The following PTPRT variants were observed in gnomAD, a reference collection of about 807,000 sequenced individuals.
PTPRT encodes the protein receptor-type tyrosine-protein phosphatase T.
A neutral mutation model predicts 176.8 loss-of-function variants in PTPRT; 56 were observed. The ratio of observed to expected loss-of-function variants is 0.32; its 90% CI spans 0.26 to 0.40. The LOEUF is 0.40. PTPRT is among the 10% of genes least tolerant of loss of function. PTPRT has a pLI of 1.00. For missense variants in PTPRT, 1,540 were observed against 1,908.2 expected, an observed-to-expected ratio of 0.81 and a Z score of 3.60; for synonymous variants, 783 against 739.0, an observed-to-expected ratio of 1.06 and a Z score of -0.96.
chr20:43,036,698 T>A (rs948519255), intron 1 of PTPRT, among the ~76,000 whole-genome samples: 8 of 152,218 alleles, frequency 5.3e-5, no homozygotes, highest in African/African-American at 1.9e-4. Context: ...AACAATAGGC[T>A]AACCTATTTC....
intron 1 of PTPRT, among the ~76,000 whole-genome samples, chr20:43,147,313 G>A (rs1371950406): frequency 6.6e-6 from 1 of 152,068 alleles, no homozygotes; most frequent in Non-Finnish European, 1.5e-5. Flanking sequence ...TCAGCAAAAT[G>A]GAAAGCAACA....
Position 42,236,238 on chromosome 20 carries a change from G to T in PTPRT, c.2333C>A (p.Ser778Tyr), listed in dbSNP as rs749238058. 1 of 1,603,370 alleles carries T rather than the reference G, an allele frequency of 6.2e-7. No homozygotes were observed. Reference protein sequence around the residue: ...IKRRRNAYSYSYYLKLAKKQK... With the variant: ...IKRRRNAYSYYYYLKLAKKQK... ...CCAGCTCGATACTTACAAGTAATAG[G>T]AGTAGGAATAAGCATTTCTTCTATA... The change falls in exon 15 of 31, where the codon TCC becomes TAC. Residue 778 changes from serine to tyrosine, a missense_variant. Physicochemically the swap from Ser to Tyr is moderately radical, Grantham distance 144. Around this residue, in one of 11 missense-constraint regions of PTPRT, gnomAD observed 255 missense variants for 250.1 expected, o/e 1.02. Coordinates refer to ENST00000373187, the MANE Select transcript of PTPRT (RefSeq NM_007050.6).
chr20:42,129,142 A>T (rs1341809318), intron 18 of PTPRT, among the ~76,000 whole-genome samples: 1 of 152,218 alleles, frequency 6.6e-6, no homozygotes, highest in African/African-American at 2.4e-5. Flanking sequence ...TTCATAGGAC[A>T]ATGTGAGAGA....
chr20:42,571,493 T>C lies in PTPRT; in HGVS notation c.1154-98931A>G, dbSNP rs562359796. Among the ~76,000 whole-genome samples, 3 of 152,320 alleles carry C rather than the reference T, an allele frequency of 2.0e-5. No homozygotes were observed. The East Asian group carries it at 5.8e-4, about 29-fold the overall frequency. ...ATTTCAGACTTCTGATCTCCAGAAT[T>C]GTAAGATAATAAATTTGTATGATTT... On this transcript the variant is annotated intron_variant, in intron 7 of 30. Transcript: ENST00000373187.
chr20:42,199,396 A>C lies in PTPRT; in HGVS notation c.2343-8T>G. On this transcript the variant is annotated splice_polypyrimidine_tract_variant and splice_region_variant and intron_variant, in intron 15 of 30. Coordinates refer to ENST00000373187, the MANE Select transcript of PTPRT (RefSeq NM_007050.6). ...TGCTTCTTGGCCAGCTTCCTTTGGG[A>C]CATGTGCAAGGGGAAAAAACCACAG... 6.2e-7 allele frequency: 1 copy of C among 1,613,122 alleles called. No homozygotes were observed. Among genetic ancestry groups the C allele is most frequent in the Non-Finnish European group, 8.5e-7 (1 of 1,179,616 alleles).
chr20:42,217,529 G>A (rs2055804993), intron 15 of PTPRT, among the ~76,000 whole-genome samples: 2 of 151,882 alleles, frequency 1.3e-5, no homozygotes, highest in Admixed American at 1.3e-4. Flanking sequence ...TTATCCTAAG[G>A]AAATAATAAG....
At chr20:42,713,182 C>G (rs182658615) in intron 6 of PTPRT, among the ~76,000 whole-genome samples, 281 of 148,220 alleles carry the variant, frequency 1.9e-3, no homozygotes, top group South Asian at 0.019. Context: ...CACACACACA[C>G]AGAGTAACAT....
chr20:43,105,922 T>C (rs1453812236), intron 1 of PTPRT, among the ~76,000 whole-genome samples: 1 of 152,162 alleles, frequency 6.6e-6, no homozygotes, highest in Non-Finnish European at 1.5e-5. Context: ...TAATACACTC[T>C]TCGGCACTCC....
intron 7 of PTPRT, among the ~76,000 whole-genome samples, chr20:42,600,713 A>T (rs6093695): frequency 0.25 from 37,995 of 151,938 alleles, 5,127 homozygotes; most frequent in Non-Finnish European, 0.3. Flanking sequence ...AGCATTTTTG[A>T]CTTTATGTGC....
chr20:43,177,500 T>C (rs2015149578), intron 1 of PTPRT, among the ~76,000 whole-genome samples: 1 of 152,138 alleles, frequency 6.6e-6, no homozygotes. Flanking sequence ...ATGGGAAAGA[T>C]ACCAAAGACC....
chr20:42,828,356 T>G (rs1409834944), intron 2 of PTPRT, among the ~76,000 whole-genome samples: 1 of 152,152 alleles, frequency 6.6e-6, no homozygotes, highest in African/African-American at 2.4e-5. Flanking sequence ...TGGCAAAGCA[T>G]TCAAGAGGAA....
intron 1 of PTPRT, among the ~76,000 whole-genome samples, chr20:42,967,824 C>G (rs895837577): frequency 2.6e-5 from 4 of 152,064 alleles, no homozygotes; most frequent in African/African-American, 9.7e-5. Context: ...CCCACCCCCG[C>G]TACCAGATGT....
At chr20:42,751,138 G>C (rs1484655877) in intron 6 of PTPRT, among the ~76,000 whole-genome samples, 3 of 152,136 alleles carry the variant, frequency 2.0e-5, no homozygotes, top group Non-Finnish European at 4.4e-5. Flanking sequence ...CCTGTTTGGG[G>C]AGAAAGAGAG....
chr20:42,446,820 G>T (rs2070741664), intron 9 of PTPRT, among the ~76,000 whole-genome samples: 2 of 152,072 alleles, frequency 1.3e-5, no homozygotes, highest in Non-Finnish European at 2.9e-5. Context: ...CAAGCGTGTG[G>T]CCTGAGAAAA....
chr20:42,909,221 A>G (rs1458459293), intron 1 of PTPRT, among the ~76,000 whole-genome samples: 1 of 152,160 alleles, frequency 6.6e-6, no homozygotes, highest in African/African-American at 2.4e-5. Context: ...GTGTGTATGT[A>G]TCCTATCATC....
chr20:43,061,087 A>AATGGGTGGATGG lies in PTPRT; in HGVS notation c.88+128558_88+128559insCCATCCACCCAT, dbSNP rs1555825210. Among the ~76,000 whole-genome samples the AATGGGTGGATGG allele has an allele frequency of 3.8e-3, 571 of 150,022 alleles. 2 individuals are homozygous for AATGGGTGGATGG. The highest frequency in any genetic ancestry group is 6.1e-3 in the Non-Finnish European group (409 of 67,328). ...GGGTGAGTGGATGGGCGGATAAATG[A>AATGGGTGGATGG]ATGGATGGATGGATGGATGGATGGA... is the stretch of plus-strand genomic sequence containing the variant. On this transcript the variant is annotated intron_variant, in intron 1 of 30. Coordinates refer to ENST00000373187, the MANE Select transcript of PTPRT (RefSeq NM_007050.6).
At position 42,651,955 on chromosome 20, in the gene PTPRT, T is replaced by C. The variant is rs539543149; in HGVS notation, c.1153+25911A>G. Among the ~76,000 whole-genome samples, 12 of 151,584 alleles carry C rather than the reference T, an allele frequency of 7.9e-5. No individual in the cohort carries two copies. The South Asian group carries it at 2.5e-3, about 32-fold the overall frequency. On this transcript the variant is annotated intron_variant, in intron 7 of 30. Transcript: ENST00000373187. Reference sequence around the variant, plus strand: ...CCCAGCTACTCAGGAGGCTGAGGCATGAGAATTGCTTGAACCCGGGAGGTG... The same window carrying C: ...CCCAGCTACTCAGGAGGCTGAGGCACGAGAATTGCTTGAACCCGGGAGGTG...
At chr20:42,260,751 C>T (rs905202623) in intron 13 of PTPRT, among the ~76,000 whole-genome samples, 1 of 152,078 alleles carries the variant, frequency 6.6e-6, no homozygotes, top group East Asian at 1.9e-4. Flanking sequence ...AAAGCCCAGG[C>T]CAGGGCATGA....
intron 1 of PTPRT, among the ~76,000 whole-genome samples, chr20:43,117,117 G>A (rs1429413263): frequency 1.3e-5 from 2 of 152,044 alleles, no homozygotes; most frequent in East Asian, 3.9e-4. Context: ...GCAGAGACAT[G>A]CGCTGCTTCT....
Sources: gnomAD v4.1 joint callset for allele counts (sites outside exome capture counted in the v4.1 genomes callset) on GRCh38, gnomAD v4.1.1 for gene constraint, gnomAD v4.1.1 regional missense constraint, MANE v1.5 for transcripts, NCBI Gene and HGNC (gene_info 2026-07-23, HGNC 2026-07-21) for gene names.